PTPRG: variants seen among roughly 807,000 people sequenced by gnomAD.
PTPRG encodes protein tyrosine phosphatase receptor type G.
In PTPRG, 102 loss-of-function variants were observed where a neutral mutation model predicts 165.3. That is an observed-to-expected ratio of 0.62 (90% CI 0.53 to 0.73). The LOEUF is 0.73. PTPRG is among the 30% of genes least tolerant of loss of function. PTPRG has a pLI of 0.00. For missense variants in PTPRG, 1,866 were observed against 1,861.4 expected, an observed-to-expected ratio of 1.00 and a Z score of -0.05; for synonymous variants, 675 against 669.5, an observed-to-expected ratio of 1.01 and a Z score of -0.13.
At chr3:61,887,050 T>G (rs1349755600) in intron 2 of PTPRG, among the ~76,000 whole-genome samples, 1 of 149,182 alleles carries the variant, frequency 6.7e-6, no homozygotes, top group Non-Finnish European at 1.5e-5. Flanking sequence ...AGAGGAAACA[T>G]CTCTTATTTT....
Position 61,832,805 on chromosome 3 carries a change from T to C in PTPRG, c.190+83823T>C, listed in dbSNP as rs1482770638. ...ATCAGATTTTGCTGCATCCATCACT[T>C]GAGCAGTATACACTGAACCCAATAT... On this transcript the variant is annotated intron_variant, in intron 2 of 29. Transcript: ENST00000474889. 5.3e-5 allele frequency among the ~76,000 whole-genome samples: 8 copies of C among 152,204 alleles called. 1 individual carries two copies. Among genetic ancestry groups the C allele is most frequent in the Admixed American group, 5.2e-4 (8 of 15,270 alleles).
At chr3:61,744,833 C>G (rs1209526477) in intron 1 of PTPRG, among the ~76,000 whole-genome samples, 1 of 150,574 alleles carries the variant, frequency 6.6e-6, no homozygotes, top group Non-Finnish European at 1.5e-5. Context: ...TTACTCAGGG[C>G]CATTTTCTTT....
chr3:62,154,389 A>C (rs1704457457), intron 6 of PTPRG, among the ~76,000 whole-genome samples: 1 of 152,058 alleles, frequency 6.6e-6, no homozygotes, highest in African/African-American at 2.4e-5. Flanking sequence ...ATCAGCAAAA[A>C]CCAGAGCTTG....
intron 1 of PTPRG, among the ~76,000 whole-genome samples, chr3:61,651,372 T>TA (rs1167224501): frequency 6.6e-6 from 1 of 151,776 alleles, no homozygotes; most frequent in East Asian, 1.9e-4. Context: ...AATCTTTTTT[T>TA]TTTTTAAGTT....
Position 62,271,318 on chromosome 3 carries a change from A to T in PTPRG, c.3010-65A>T, listed in dbSNP as rs2148872779. On this transcript the variant is annotated intron_variant, in intron 20 of 29. Transcript: ENST00000474889. This position sits in a 1 kb window ranked among gnomAD's most constrained non-coding sequence, Gnocchi z 4.1. ...AGTGGTCATGTGTCCTGACACCCTT[A>T]CATTATTTTTTTCCAGAATGTCCAC... The T allele has an allele frequency of 7.3e-7, 1 of 1,377,010 alleles. No homozygotes were observed. The highest frequency in any genetic ancestry group is 2.3e-5 in the East Asian group (1 of 42,716). The allele number at this position is 1,377,010 out of a possible 1,614,324, so 85.3% of individuals were successfully genotyped here.
intron 2 of PTPRG, among the ~76,000 whole-genome samples, chr3:61,950,606 C>T (rs760848656): frequency 2.0e-5 from 3 of 152,016 alleles, no homozygotes; most frequent in Admixed American, 6.6e-5. Flanking sequence ...TAGGTTCTTT[C>T]TGTACAGTTG....
chr3:61,615,770 A>G (rs1701280743), intron 1 of PTPRG, among the ~76,000 whole-genome samples: 1 of 152,204 alleles, frequency 6.6e-6, no homozygotes, highest in African/African-American at 2.4e-5. Flanking sequence ...AGTTCTTGCC[A>G]GCTGGTTCCT....
chr3:61,706,502 T>C (rs1333658908), intron 1 of PTPRG, among the ~76,000 whole-genome samples: 2 of 151,774 alleles, frequency 1.3e-5, no homozygotes, highest in Non-Finnish European at 2.9e-5. Flanking sequence ...TTTTTTTTTT[T>C]TTTTTTTCGA....
chr3:61,704,888 C>A (rs546589531), intron 1 of PTPRG, among the ~76,000 whole-genome samples: 1 of 152,212 alleles, frequency 6.6e-6, no homozygotes, highest in Non-Finnish European at 1.5e-5. Flanking sequence ...GCCTGGCCCC[C>A]GCCCCTGGCC....
At chr3:62,083,652 A>T (rs994059616) in intron 5 of PTPRG, among the ~76,000 whole-genome samples, 1 of 152,230 alleles carries the variant, frequency 6.6e-6, no homozygotes, top group Non-Finnish European at 1.5e-5. Context: ...TAGAAGAAAG[A>T]GTACCCAATA....
intron 4 of PTPRG, among the ~76,000 whole-genome samples, chr3:62,012,103 T>C (rs926205274): frequency 6.6e-6 from 1 of 152,122 alleles, no homozygotes; most frequent in African/African-American, 2.4e-5. Flanking sequence ...AGTGATGATA[T>C]TGTAGATGCA....
At chr3:62,257,712 T>C (rs1196370990) in intron 16 of PTPRG, among the ~76,000 whole-genome samples, 2 of 152,114 alleles carry the variant, frequency 1.3e-5, no homozygotes, top group Non-Finnish European at 2.9e-5. Context: ...CCCAACACTT[T>C]GGGAGAACAA....
In PTPRG at chr3:61,626,848, T is replaced by C. The variant is rs1194957284; in HGVS notation, c.85+64476T>C. Among the ~76,000 whole-genome samples the C allele has an allele frequency of 2.0e-5, 3 of 152,172 alleles. No homozygotes were observed. The East Asian group carries it at 5.8e-4, about 29-fold the overall frequency. ...GATATATTCTTAGAAAAAGGAATAG[T>C]AACTCAAATCAAGATCAAGCTTCTG... is the stretch of plus-strand genomic sequence containing the variant. On this transcript the variant is annotated intron_variant, in intron 1 of 29. Transcript: ENST00000474889.
At chr3:61,702,530 C>A (rs1339055526) in intron 1 of PTPRG, among the ~76,000 whole-genome samples, 1 of 151,754 alleles carries the variant, frequency 6.6e-6, no homozygotes, top group East Asian at 1.9e-4. Flanking sequence ...CACACGTGTA[C>A]ACACACACAC....
intron 4 of PTPRG, among the ~76,000 whole-genome samples, chr3:62,053,229 T>C (rs551139586): frequency 2.0e-5 from 3 of 152,156 alleles, no homozygotes; most frequent in African/African-American, 7.2e-5. Flanking sequence ...CAGTAATTTG[T>C]TAGTGATTAT....
intron 5 of PTPRG, among the ~76,000 whole-genome samples, chr3:62,119,856 G>A (rs926478091): frequency 2.1e-5 from 3 of 141,014 alleles, no homozygotes; most frequent in African/African-American, 2.7e-5. Flanking sequence ...GGATGGTCTC[G>A]ATCTCCTGAC....
chr3:61,736,452 CT>C (rs59588072), intron 1 of PTPRG, among the ~76,000 whole-genome samples: 9 of 151,654 alleles, frequency 5.9e-5, no homozygotes, highest in African/African-American at 1.2e-4. Flanking sequence ...TAACTATTAT[CT>C]TTTTTTTCCC....
chr3:62,014,777 A>T (rs2041501286), intron 4 of PTPRG, among the ~76,000 whole-genome samples: 1 of 152,146 alleles, frequency 6.6e-6, no homozygotes, highest in African/African-American at 2.4e-5. Flanking sequence ...ATTTATTGGA[A>T]GGGTATAAGT....
intron 5 of PTPRG, among the ~76,000 whole-genome samples, chr3:62,095,479 A>G (rs957390225): frequency 1.3e-5 from 2 of 152,202 alleles, no homozygotes; most frequent in Non-Finnish European, 2.9e-5. Flanking sequence ...TGTCTAGCTT[A>G]TACATATATA....
Sources: gnomAD v4.1 joint callset for allele counts (sites outside exome capture counted in the v4.1 genomes callset) on GRCh38, gnomAD v4.1.1 for gene constraint, Gnocchi (gnomAD v3.1) non-coding constraint, MANE v1.5 for transcripts, NCBI Gene and HGNC (gene_info 2026-07-23, HGNC 2026-07-21) for gene names.